Variants in ADCY9 observed in about 807,000 individuals in gnomAD.
ADCY9 encodes the protein adenylate cyclase type 9.
ADCY9 carries 50 observed loss-of-function variants against 101.5 expected under a neutral mutation model. That is an observed-to-expected ratio of 0.49 (90% CI 0.39 to 0.62). ADCY9 has a LOEUF of 0.62. Ranked by LOEUF, ADCY9 falls within the 20% of genes least tolerant of loss-of-function variation. ADCY9 has a pLI of 0.00. For synonymous variants in ADCY9, 905 were observed against 769.3 expected, an observed-to-expected ratio of 1.18 and a Z score of -2.92; for missense variants, 1,662 against 1,800.4, an observed-to-expected ratio of 0.92 and a Z score of 1.39.
intron 2 of ADCY9, among the ~76,000 whole-genome samples, chr16:4,110,773 G>T (rs946069880): frequency 1.3e-5 from 2 of 152,180 alleles, no homozygotes; most frequent in African/African-American, 4.8e-5. Flanking sequence ...TGGCTTTTGG[G>T]TTGTCAGGTC....
intron 5 of ADCY9, 38 bp from the exon 6 acceptor site, chr16:3,989,134 C>A (rs1450121215): frequency 2.1e-6 from 3 of 1,457,352 alleles, no homozygotes; most frequent in Non-Finnish European, 2.9e-6. Flanking sequence ...CAATACCCAG[C>A]ACCATAACTG....
rs142078841 is a variant in ADCY9, at chr16:4,050,978, C to T, written c.1694-43420G>A. Among the ~76,000 whole-genome samples, 677 of 152,000 alleles carry T rather than the reference C, an allele frequency of 4.5e-3. 6 individuals are homozygous for T. The highest frequency in any genetic ancestry group is 0.015 in the African/African-American group (616 of 41,454). On this transcript the variant is annotated intron_variant, in intron 2 of 10. Transcript: ENST00000294016. ...CTGTCATCCCAGCACTTTGGGAGGA[C>T]GAGGCAGGCAGATCACCTGAGGTTA... is the stretch of plus-strand genomic sequence containing the variant.
chr16:3,989,023 G>A lies in ADCY9; in HGVS notation c.2281C>T (p.Arg761Ter), dbSNP rs1268282511. The A allele has an allele frequency of 6.2e-7, 1 of 1,613,782 alleles. No individual in the cohort carries two copies. The highest frequency in any genetic ancestry group is 8.5e-7 in the Non-Finnish European group (1 of 1,179,828). The part of the protein sequence containing the change: ...SLNFLDQELE[R>*]SYRTSYQEEV... ...TCCTGATAGCTGGTCCTGTAGGATC[G>A]CTCCAGCTCCTGATCCAGGAAGTTC... Residue 761 changes from arginine to a stop codon, truncating the protein, a stop_gained, in exon 6 of 11, where the codon CGA becomes TGA. Transcript: ENST00000294016. LOFTEE classifies it high-confidence loss of function.
chr16:4,056,097 G>A (rs539454760), intron 2 of ADCY9, among the ~76,000 whole-genome samples: 38 of 152,272 alleles, frequency 2.5e-4, no homozygotes, highest in African/African-American at 7.5e-4. Context: ...CGAAAGCTGC[G>A]CCCTCCCCGC....
intron 2 of ADCY9, among the ~76,000 whole-genome samples, chr16:4,031,830 T>C (rs2141754815): frequency 6.6e-6 from 1 of 152,080 alleles, no homozygotes; most frequent in East Asian, 1.9e-4. Context: ...TGAGCCATCA[T>C]CGTGCCACTA....
chr16:3,978,701 A>C (rs1364257376), intron 8 of ADCY9, among the ~76,000 whole-genome samples: 3 of 152,112 alleles, frequency 2.0e-5, no homozygotes, highest in Admixed American at 6.6e-5. Flanking sequence ...GTGCCTCTTC[A>C]AGGGTTTATT....
At chr16:3,991,678 T>C (rs2056244757) in intron 5 of ADCY9, among the ~76,000 whole-genome samples, 1 of 150,566 alleles carries the variant, frequency 6.6e-6, no homozygotes, top group Non-Finnish European at 1.5e-5. Flanking sequence ...GGAGAATTAC[T>C]TGAACCTGGG....
chr16:4,065,606 C>CT (rs1194066136), intron 2 of ADCY9, among the ~76,000 whole-genome samples: 1 of 152,238 alleles, frequency 6.6e-6, no homozygotes, highest in Non-Finnish European at 1.5e-5. Context: ...GAGTCTCACT[C>CT]TGTCACCCAG....
At chr16:4,097,483 T>C (rs201307296) in intron 2 of ADCY9, among the ~76,000 whole-genome samples, 9,727 of 60,912 alleles carry the variant, frequency 0.16, 1,508 homozygotes, top group African/African-American at 0.4. Flanking sequence ...TATATATATA[T>C]ATATACACAC....
chr16:4,009,527 G>A (rs1031388972), intron 2 of ADCY9, among the ~76,000 whole-genome samples: 4 of 152,176 alleles, frequency 2.6e-5, no homozygotes, highest in African/African-American at 9.7e-5. Context: ...AAAGTGCTGG[G>A]ATTGCAGGTG....
intron 3 of ADCY9, 116 bp downstream of exon 3, chr16:4,007,252 G>A (rs2141720266): frequency 4.8e-6 from 4 of 832,548 alleles, no homozygotes; most frequent in South Asian, 2.7e-5. Context: ...AAACCAAATC[G>A]AAGGTCATTC....
chr16:3,982,993 G>T, intron 7 of ADCY9: 1 of 557,732 alleles, frequency 1.8e-6, no homozygotes, highest in Non-Finnish European at 3.2e-6. Flanking sequence ...AGCTGGCAGC[G>T]GTTGGGGCTG....
At chr16:4,077,077 CA>C (rs56303992) in intron 2 of ADCY9, among the ~76,000 whole-genome samples, 39 of 139,064 alleles carry the variant, frequency 2.8e-4, no homozygotes, top group Admixed American at 5.1e-4. Context: ...GACTTCGTCT[CA>C]AAAAAAAAAA....
intron 2 of ADCY9, among the ~76,000 whole-genome samples, chr16:4,082,743 GACGCAC>G (rs1389557349): frequency 6.7e-6 from 1 of 150,304 alleles, no homozygotes; most frequent in Non-Finnish European, 1.5e-5. Context: ...CCCACGCATG[GACGCAC>G]ACGCACACAC....
At chr16:4,057,762 G>C (rs560722943) in intron 2 of ADCY9, among the ~76,000 whole-genome samples, 1 of 152,146 alleles carries the variant, frequency 6.6e-6, no homozygotes, top group Non-Finnish European at 1.5e-5. Flanking sequence ...CATTTACGGC[G>C]TGTTCTCGAT....
intron 2 of ADCY9, among the ~76,000 whole-genome samples, chr16:4,092,375 G>A (rs1374003548): frequency 1.3e-5 from 2 of 152,168 alleles, no homozygotes; most frequent in East Asian, 3.8e-4. Flanking sequence ...CCTACCAGAC[G>A]TTTCTTGGGA....
chr16:3,971,867 C>A (rs531255767), intron 10 of ADCY9, among the ~76,000 whole-genome samples: 1 of 152,290 alleles, frequency 6.6e-6, no homozygotes, highest in South Asian at 2.1e-4. Context: ...TTGTACAGCT[C>A]ACTCTAATCT....
chr16:4,107,037 G>C (rs189725103), intron 2 of ADCY9, among the ~76,000 whole-genome samples: 4 of 152,064 alleles, frequency 2.6e-5, no homozygotes, highest in African/African-American at 7.2e-5. Context: ...ACTTCTACTC[G>C]AAAGCTTGTC....
At chr16:4,026,219 G>A (rs767851497) in intron 2 of ADCY9, among the ~76,000 whole-genome samples, 32 of 152,136 alleles carry the variant, frequency 2.1e-4, no homozygotes, top group Non-Finnish European at 3.8e-4. Context: ...GAGGTCAGGA[G>A]TCTGAGACCA....
Sources: allele counts gnomAD v4.1 joint callset (sites outside exome capture counted in the v4.1 genomes callset), GRCh38; gene constraint gnomAD v4.1.1; transcripts MANE v1.5; gene names NCBI Gene and HGNC (gene_info 2026-07-23, HGNC 2026-07-21).